TAFA1: variants seen among roughly 807,000 people sequenced by gnomAD.
TAFA1 encodes chemokine-like protein TAFA-1.
A neutral mutation model predicts 18.5 loss-of-function variants in TAFA1; 4 were observed. The ratio of observed to expected loss-of-function variants is 0.22; its 90% confidence interval spans 0.11 to 0.49. TAFA1 has a LOEUF of 0.49. Ranked by LOEUF, TAFA1 falls within the 20% of genes least tolerant of loss-of-function variation. The probability of loss-of-function intolerance (pLI) is 0.98; values close to 1 mark genes in which losing one functional copy is unlikely to be tolerated. For missense variants in TAFA1, 147 were observed against 169.0 expected, an observed-to-expected ratio of 0.87 and a Z score of 0.72; for synonymous variants, 56 against 55.2, an observed-to-expected ratio of 1.01 and a Z score of -0.06.
chr3:68,242,229 A>G (rs900774897), intron 2 of TAFA1, among the ~76,000 whole-genome samples: 2 of 152,154 alleles, frequency 1.3e-5, no homozygotes, highest in Non-Finnish European at 2.9e-5. Context: ...TCCTAAGTCC[A>G]TCTGTGACTC....
At chr3:68,010,477 C>G (rs1028535377) in intron 2 of TAFA1, among the ~76,000 whole-genome samples, 12 of 152,124 alleles carry the variant, frequency 7.9e-5, no homozygotes, top group African/African-American at 2.9e-4. Context: ...GAAATCGAGA[C>G]CACGTTTTTG....
intron 3 of TAFA1, among the ~76,000 whole-genome samples, chr3:68,528,406 G>A (rs1430134924): frequency 6.6e-6 from 1 of 152,178 alleles, no homozygotes; most frequent in African/African-American, 2.4e-5. Flanking sequence ...AATACATAAT[G>A]TCTCAAAATT....
At chr3:68,163,993 C>T (rs753961461) in intron 2 of TAFA1, among the ~76,000 whole-genome samples, 10 of 152,284 alleles carry the variant, frequency 6.6e-5, no homozygotes, top group Admixed American at 1.3e-4. Context: ...ATCCTATATC[C>T]CAGTCTTCCC....
At chr3:68,331,348 T>C (rs1038711801) in intron 2 of TAFA1, among the ~76,000 whole-genome samples, 5 of 152,154 alleles carry the variant, frequency 3.3e-5, no homozygotes, top group Admixed American at 6.5e-5. Flanking sequence ...AAGAAAATGT[T>C]CTCAAACTAG....
At chr3:68,315,971 A>G (rs1231134173) in intron 2 of TAFA1, among the ~76,000 whole-genome samples, 1 of 152,216 alleles carries the variant, frequency 6.6e-6, no homozygotes, top group Non-Finnish European at 1.5e-5. Flanking sequence ...ATGAATGAAG[A>G]AAGAAGAAAG....
At position 68,077,688 on chromosome 3, in the gene TAFA1, A is replaced by T. The variant is rs565765353; in HGVS notation, c.118+70944A>T. 5.9e-5 allele frequency among the ~76,000 whole-genome samples: 9 copies of T among 152,160 alleles called. No homozygotes were observed. In the South Asian group the frequency reaches 1.2e-3, roughly 21 times the overall value. ...TCTATATCTCTATTTTGGTACCAGT[A>T]CCATGCTGTTTTGGTTACTGTAGCC... On this transcript the variant is annotated intron_variant, in intron 2 of 4. Coordinates refer to ENST00000478136, the MANE Select transcript of TAFA1 (RefSeq NM_213609.4).
Position 68,373,261 on chromosome 3 carries a change from T to C in TAFA1, c.119-44019T>C, listed in dbSNP as rs2069746933. ...AGGAACACCTACTAAGTGCCCAGCT[T>C]TTATGTTATTTCTTATTTTTTAATT... On this transcript the variant is annotated intron_variant, in intron 2 of 4. Transcript: ENST00000478136. 2.6e-5 allele frequency among the ~76,000 whole-genome samples: 4 copies of C among 152,206 alleles called. No homozygotes were observed. The South Asian group carries it at 6.2e-4, about 24-fold the overall frequency.
chr3:68,169,033 A>T (rs1420188882), intron 2 of TAFA1, among the ~76,000 whole-genome samples: 1 of 152,234 alleles, frequency 6.6e-6, no homozygotes, highest in East Asian at 1.9e-4. Flanking sequence ...TTTATATCCT[A>T]AACAGTGTCT....
At position 68,319,931 on chromosome 3, in the gene TAFA1, T is replaced by C. The variant is rs117352063; in HGVS notation, c.119-97349T>C. Among the ~76,000 whole-genome samples the C allele has an allele frequency of 1.3e-4, 20 of 152,318 alleles. No homozygotes were observed. The East Asian group carries it at 3.9e-3, about 29-fold the overall frequency. On this transcript the variant is annotated intron_variant, in intron 2 of 4. Coordinates refer to ENST00000478136, the MANE Select transcript of TAFA1 (RefSeq NM_213609.4). The stretch of plus-strand genomic sequence containing the variant: ...TTCATAGTAACACTAGAATGCTTGA[T>C]AGCTTTGATAAAGCAAGTGATGAGA...
chr3:68,540,860 T>C (rs6804831), intron 4 of TAFA1, among the ~76,000 whole-genome samples: 38,575 of 152,136 alleles, frequency 0.25, 5,942 homozygotes, highest in South Asian at 0.35. Context: ...ATTTGGCCTC[T>C]GTAGAGTACA....
intron 2 of TAFA1, among the ~76,000 whole-genome samples, chr3:68,249,684 AAAG>A (rs1425738087): frequency 1.3e-5 from 2 of 152,172 alleles, no homozygotes; most frequent in African/African-American, 4.8e-5. Flanking sequence ...TCGCACCAAG[AAAG>A]AAGAAGAAAA....
At chr3:68,047,212 C>A (rs1453576768) in intron 2 of TAFA1, among the ~76,000 whole-genome samples, 1 of 152,128 alleles carries the variant, frequency 6.6e-6, no homozygotes, top group East Asian at 1.9e-4. Flanking sequence ...TATGTGGCGA[C>A]AATAGCACAT....
chr3:68,396,855 T>G (rs1252993880), intron 2 of TAFA1, among the ~76,000 whole-genome samples: 1 of 152,236 alleles, frequency 6.6e-6, no homozygotes, highest in Non-Finnish European at 1.5e-5. Context: ...AACTACTCAG[T>G]GTCCTCTGAA....
At chr3:68,472,195 G>A (rs769887181) in intron 3 of TAFA1, among the ~76,000 whole-genome samples, 1 of 152,048 alleles carries the variant, frequency 6.6e-6, no homozygotes, top group African/African-American at 2.4e-5. Context: ...GAATCATGGG[G>A]GTGGTTTTCC....
chr3:68,472,816 A>G (rs961106030), intron 3 of TAFA1, among the ~76,000 whole-genome samples: 3 of 152,184 alleles, frequency 2.0e-5, no homozygotes, highest in African/African-American at 7.2e-5. Context: ...TTTTTGGAGA[A>G]GTGTCTACTT....
At chr3:68,084,821 A>T (rs2064951503) in intron 2 of TAFA1, among the ~76,000 whole-genome samples, 3 of 151,758 alleles carry the variant, frequency 2.0e-5, no homozygotes, top group Non-Finnish European at 4.4e-5. Context: ...AACCAAAAAA[A>T]CCAAATAACA....
chr3:68,446,312 G>C (rs1320751529), intron 3 of TAFA1, among the ~76,000 whole-genome samples: 1 of 152,084 alleles, frequency 6.6e-6, no homozygotes, highest in Non-Finnish European at 1.5e-5. Context: ...ACAATGGAGA[G>C]CATATGGCCT....
At chr3:68,178,962 A>AT in intron 2 of TAFA1, among the ~76,000 whole-genome samples, 1 of 152,278 alleles carries the variant, frequency 6.6e-6, no homozygotes, top group South Asian at 2.1e-4. Context: ...GTCTGGGGCT[A>AT]TTTTGTAGCC....
At chr3:68,413,486 TA>T (rs1381275965) in intron 2 of TAFA1, among the ~76,000 whole-genome samples, 1 of 152,200 alleles carries the variant, frequency 6.6e-6, no homozygotes, top group African/African-American at 2.4e-5. Flanking sequence ...TGCATGGCTA[TA>T]TTGCTTGCTG....
Sources: allele counts gnomAD v4.1 joint callset (sites outside exome capture counted in the v4.1 genomes callset), GRCh38; gene constraint gnomAD v4.1.1; transcripts MANE v1.5; gene names NCBI Gene and HGNC (gene_info 2026-07-23, HGNC 2026-07-21).